SOS2: variants seen among roughly 807,000 people sequenced by gnomAD.
SOS2 encodes son of sevenless homolog 2.
In SOS2, 65 loss-of-function variants were observed where a neutral mutation model predicts 148.2. The observed-to-expected ratio is 0.44, with a 90% CI of 0.36 to 0.54. The LOEUF (loss-of-function observed/expected upper bound fraction) is 0.54. Among genes scored for constraint, SOS2 ranks in the 20% least tolerant of loss-of-function variants. The probability of loss-of-function intolerance (pLI) is 0.00; values close to 1 mark genes in which losing one functional copy is unlikely to be tolerated. For synonymous variants in SOS2, 539 were observed against 537.1 expected (o/e 1.00, Z -0.05); for missense variants, 1,341 against 1,590.2 (o/e 0.84, Z 2.67).
chr14:50,174,544 A>C lies in SOS2; in HGVS notation c.978T>G (p.Ala326=). 1 of 1,604,916 alleles carries C rather than the reference A, an allele frequency of 6.2e-7. No individual in the cohort carries two copies. Residue 326 remains alanine, a synonymous_variant, in exon 8 of 23, where the codon GCT becomes GCG. Transcript: ENST00000216373. ...AACGAACTGCCTCTTTAAAACCATC[A>C]GCAATGGACTGCAAAGCAAAAAGAT... ...PAVALHFQSI[A]DGFKEAVRYV...
At chr14:50,131,700 T>C (rs1465452739) in intron 19 of SOS2, among the ~76,000 whole-genome samples, 1 of 152,168 alleles carries the variant, frequency 6.6e-6, no homozygotes, top group African/African-American at 2.4e-5. Context: ...GATGCTTGGG[T>C]AGAAGAATGG....
At chr14:50,192,777 T>C (rs1886186934) in intron 4 of SOS2, among the ~76,000 whole-genome samples, 1 of 151,760 alleles carries the variant, frequency 6.6e-6, no homozygotes, top group South Asian at 2.1e-4. Context: ...GGCAGGAGAA[T>C]GGATTGAACC....
chr14:50,229,844 G>A (rs1366105557), intron 1 of SOS2, among the ~76,000 whole-genome samples: 1 of 152,116 alleles, frequency 6.6e-6, no homozygotes, highest in African/African-American at 2.4e-5. Context: ...GTGGTCAAAG[G>A]GCTAATTACT....
intron 4 of SOS2, among the ~76,000 whole-genome samples, chr14:50,197,316 C>T (rs1886340313): frequency 1.3e-5 from 2 of 152,172 alleles, no homozygotes; most frequent in Admixed American, 1.3e-4. Flanking sequence ...AGTAACTTCA[C>T]AGATGAAAAG....
chr14:50,126,385 G>T (rs1044472044), intron 21 of SOS2, among the ~76,000 whole-genome samples: 1 of 151,820 alleles, frequency 6.6e-6, no homozygotes, highest in Non-Finnish European at 1.5e-5. Context: ...CCCCTTTCCT[G>T]GTCCAACCCT....
intron 8 of SOS2, among the ~76,000 whole-genome samples, chr14:50,166,861 T>C (rs968382680): frequency 6.6e-6 from 1 of 152,196 alleles, no homozygotes; most frequent in Non-Finnish European, 1.5e-5. Flanking sequence ...ATAAACTCTC[T>C]AGATTTTCAT....
chr14:50,138,561 T>G, intron 18 of SOS2, 51 bp downstream of exon 18: 4 of 871,908 alleles, frequency 4.6e-6, no homozygotes, highest in Non-Finnish European at 6.8e-6. Flanking sequence ...TTTTTTTTTT[T>G]GGTACCCATT....
intron 11 of SOS2, among the ~76,000 whole-genome samples, chr14:50,157,480 T>C (rs1462771596): frequency 6.6e-6 from 1 of 152,136 alleles, no homozygotes; most frequent in Admixed American, 6.5e-5. Flanking sequence ...ATAAATTTAT[T>C]TAAATGAGTA....
At chr14:50,155,285 TCA>T (rs1240685550) in intron 12 of SOS2, among the ~76,000 whole-genome samples, 2 of 152,166 alleles carry the variant, frequency 1.3e-5, no homozygotes, top group African/African-American at 2.4e-5. Context: ...GGCTTGGATT[TCA>T]CAGTTTTCCA....
chr14:50,210,457 A>G (rs577137010), intron 1 of SOS2, among the ~76,000 whole-genome samples: 1 of 152,338 alleles, frequency 6.6e-6, no homozygotes, highest in African/African-American at 2.4e-5. Flanking sequence ...AAACTAGATA[A>G]TATCTTCATG....
At chr14:50,216,095 T>A in intron 1 of SOS2, among the ~76,000 whole-genome samples, 1 of 53,536 alleles carries the variant, frequency 1.9e-5, no homozygotes, top group Admixed American at 2.6e-4. Context: ...GTTTTGGGTT[T>A]TTTTTGTTTT....
chr14:50,137,508 A>G (rs1173214471), intron 18 of SOS2, among the ~76,000 whole-genome samples: 1 of 152,242 alleles, frequency 6.6e-6, no homozygotes, highest in Non-Finnish European at 1.5e-5. Flanking sequence ...AAAAGAAAGT[A>G]CTTAGTAACA....
Position 50,180,614 on chromosome 14 carries a change from G to C in SOS2, c.927C>G (p.Phe309Leu). The change falls in exon 7 of 23, where the codon TTC (phenylalanine) becomes TTG (leucine). Residue 309 changes from phenylalanine to leucine, a missense_variant. Physicochemically the swap from Phe to Leu is conservative, Grantham distance 22 (BLOSUM62 0). Coordinates refer to ENST00000216373, the MANE Select transcript of SOS2 (RefSeq NM_006939.4). ...DILSPEFHEH[F>L]NKLMARPAVA... is the part of the protein sequence containing the mutation. The stretch of plus-strand genomic sequence containing the variant: ...CTGCAGGTCTGGCCATCAATTTATT[G>C]AAATGTTCATGAAACTCTGGTGAAA... 6.3e-7 allele frequency: 1 copy of C among 1,590,538 alleles called. No homozygotes were observed. Among genetic ancestry groups the C allele is most frequent in the Non-Finnish European group, 8.6e-7 (1 of 1,167,468 alleles).
intron 8 of SOS2, among the ~76,000 whole-genome samples, chr14:50,163,170 T>C (rs1295529557): frequency 2.0e-5 from 3 of 150,612 alleles, no homozygotes; most frequent in Admixed American, 6.6e-5. Context: ...AAGTGGAACA[T>C]CATATAGATA....
chr14:50,123,089 G>A (rs1043872736), intron 21 of SOS2, among the ~76,000 whole-genome samples: 4 of 152,164 alleles, frequency 2.6e-5, no homozygotes, highest in African/African-American at 9.7e-5. Context: ...AGAGGTGGGA[G>A]GGGAGCAACA....
In SOS2 at chr14:50,223,187, T is replaced by C. The variant is rs1000939933; in HGVS notation, c.87+8010A>G. Among the ~76,000 whole-genome samples the C allele has an allele frequency of 2.0e-5, 3 of 152,066 alleles. No homozygotes were observed. In the East Asian group the frequency reaches 5.8e-4, roughly 29 times the overall value. On this transcript the variant is annotated intron_variant, in intron 1 of 22. Transcript: ENST00000216373. ...TGTTAACCACTACAAAAGAAACAAG[T>C]TTGCAGGGGAAGAAAAGGATACAGT...
intron 8 of SOS2, among the ~76,000 whole-genome samples, chr14:50,167,014 C>T (rs1342972796): frequency 6.6e-6 from 1 of 151,908 alleles, no homozygotes; most frequent in Non-Finnish European, 1.5e-5. Flanking sequence ...TTGAGATCAG[C>T]TTGGGCAACA....
intron 1 of SOS2, among the ~76,000 whole-genome samples, chr14:50,228,869 T>C (rs1011952917): frequency 1.3e-5 from 2 of 152,318 alleles, no homozygotes; most frequent in Admixed American, 1.3e-4. Context: ...TGTTCAATAA[T>C]GGTTAAGTGA....
intron 13 of SOS2, among the ~76,000 whole-genome samples, chr14:50,150,815 C>T (rs913686521): frequency 5.3e-5 from 8 of 151,944 alleles, no homozygotes; most frequent in African/African-American, 1.7e-4. Context: ...CTCCACCTCC[C>T]GGGTTCAAGC....
Sources: gnomAD v4.1 joint callset for allele counts (sites outside exome capture counted in the v4.1 genomes callset) on GRCh38, gnomAD v4.1.1 for gene constraint, MANE v1.5 for transcripts, NCBI Gene and HGNC (gene_info 2026-07-23, HGNC 2026-07-21) for gene names.